Variants in PCDHA1 observed in about 807,000 individuals in gnomAD.
PCDHA1 encodes the protein protocadherin alpha-1.
A neutral mutation model predicts 61.3 loss-of-function variants in PCDHA1; 42 were observed. The ratio of observed to expected loss-of-function variants is 0.69; its 90% CI spans 0.54 to 0.89. The LOEUF (loss-of-function observed/expected upper bound fraction) is 0.89. PCDHA1 is among the 40% of genes least tolerant of loss of function. The pLI is 0.00. For missense variants in PCDHA1, 1,256 were observed against 1,235.3 expected (o/e 1.02, Z -0.25); for synonymous variants, 610 against 553.8 (o/e 1.10, Z -1.43).
Position 140,851,473 on chromosome 5 carries a change from G to T in PCDHA1, c.2394+62789G>T. The stretch of plus-strand genomic sequence containing the variant: ...TAGGAATCAAATTATGTCAATAAAT[G>T]TTATAAACACAGCCTTCATTTCAAC... On this transcript the variant is annotated intron_variant, in intron 1 of 3. Coordinates refer to ENST00000504120, the MANE Select transcript of PCDHA1 (RefSeq NM_018900.4). 6.7e-6 allele frequency: 6 copies of T among 889,518 alleles called. 1 individual carries two copies. The highest frequency in any genetic ancestry group is 8.2e-6 in the Non-Finnish European group (6 of 729,154). 55.1% of individuals were successfully genotyped at this position (889,518 alleles called of 1,614,324 possible).
At chr5:140,982,688 A>ATACATACATGATTTCCT in intron 3 of PCDHA1, 125 bp downstream of exon 3, 1 of 1,415,764 alleles carries the variant, frequency 7.1e-7, no homozygotes, top group Non-Finnish European at 9.3e-7. Flanking sequence ...CCTTTTTTCC[A>ATACATACATGATTTCCT]TACATACATG....
rs1052880282 is a variant in PCDHA1 at position 140,969,588 on chromosome 5, T to C, written c.2395-9361T>C. On this transcript the variant is annotated intron_variant, in intron 1 of 3. Coordinates refer to ENST00000504120, the MANE Select transcript of PCDHA1 (RefSeq NM_018900.4). ...TTGTTTGAGAAGTGAGGATTAGTCT[T>C]AATATTTAATGCTAAAACACAGATT... 31 of 849,754 alleles carry C rather than the reference T, an allele frequency of 3.6e-5. No individual in the cohort carries two copies. The African/African-American group carries it at 5.3e-4, about 15-fold the overall frequency. The allele number at this position is 849,754 out of a possible 1,614,324, so 52.6% of individuals were successfully genotyped here. A position where few individuals can be genotyped will look rare whatever the true frequency, so the allele number is the denominator to read the frequency against.
chr5:140,868,850 G>C, intron 1 of PCDHA1: 3 of 459,172 alleles, frequency 6.5e-6, no homozygotes, highest in South Asian at 5.9e-5. Flanking sequence ...GTGAAATTCT[G>C]TGGTGGTAAA....
At position 140,972,813 on chromosome 5, in the gene PCDHA1, G is replaced by A. The variant is rs559474622; in HGVS notation, c.2395-6136G>A. Reference sequence around the variant, plus strand: ...TGAGTAGCTGAGATTACAGGCACGCGCCACCACGCCTGGCTAATTTTTGTA... The same window carrying A: ...TGAGTAGCTGAGATTACAGGCACGCACCACCACGCCTGGCTAATTTTTGTA... On this transcript the variant is annotated intron_variant, in intron 1 of 3. Transcript: ENST00000504120. Among the ~76,000 whole-genome samples, 11 of 151,984 alleles carry A rather than the reference G, an allele frequency of 7.2e-5. No individual in the cohort carries two copies. In the East Asian group the frequency reaches 1.2e-3, roughly 16 times the overall value.
At chr5:140,950,112 A>G (rs1263517017) in intron 1 of PCDHA1, among the ~76,000 whole-genome samples, 3 of 151,944 alleles carry the variant, frequency 2.0e-5, no homozygotes, top group Non-Finnish European at 4.4e-5. Context: ...ATCTCATACA[A>G]TACAAAACCC....
intron 1 of PCDHA1, among the ~76,000 whole-genome samples, chr5:140,895,848 G>T (rs147299280): frequency 6.6e-6 from 1 of 151,982 alleles, no homozygotes; most frequent in Non-Finnish European, 1.5e-5. Flanking sequence ...TCTCACTCTT[G>T]TACCCCAGGC....
At chr5:140,879,025 A>G (rs557183400) in intron 1 of PCDHA1, among the ~76,000 whole-genome samples, 36 of 152,342 alleles carry the variant, frequency 2.4e-4, no homozygotes, top group African/African-American at 8.7e-4. Flanking sequence ...TGTTTTATTG[A>G]AGAGTGTCTT....
chr5:140,952,006 T>C (rs2094672029), intron 1 of PCDHA1, among the ~76,000 whole-genome samples: 1 of 152,184 alleles, frequency 6.6e-6, no homozygotes, highest in African/African-American at 2.4e-5. Context: ...GAAAGAATTA[T>C]AGGCCCCATG....
At chr5:140,882,991 AT>A (rs1554176407) in intron 1 of PCDHA1, 2 of 1,614,112 alleles carry the variant, frequency 1.2e-6, no homozygotes, top group Non-Finnish European at 1.7e-6. Flanking sequence ...ACGCCCCGGA[AT>A]TTTACCAATC....
chr5:140,959,408 A>C (rs1554224058), intron 1 of PCDHA1, among the ~76,000 whole-genome samples: 2 of 152,124 alleles, frequency 1.3e-5, no homozygotes, highest in Non-Finnish European at 1.5e-5. Context: ...TAAAGTGTTG[A>C]TTGATCTGAG....
At chr5:140,788,789 A>G (rs1761496074) in intron 1 of PCDHA1, 105 bp downstream of exon 1, 4 of 1,437,034 alleles carry the variant, frequency 2.8e-6, no homozygotes, top group African/African-American at 1.4e-5. Context: ...GTGTTCACTA[A>G]CGTTGAAATA....
rs532145972 is a variant in PCDHA1 at position 140,957,602 on chromosome 5, C to T, written c.2395-21347C>T. On this transcript the variant is annotated intron_variant, in intron 1 of 3. Transcript: ENST00000504120. Reference sequence around the variant, plus strand: ...TTAACAAAGCACTTCCCAGAATAAACACACAGACATATACATGCACACACT... The same window carrying T: ...TTAACAAAGCACTTCCCAGAATAAATACACAGACATATACATGCACACACT... 3.3e-5 allele frequency among the ~76,000 whole-genome samples: 5 copies of T among 152,174 alleles called. No homozygotes were observed. In the East Asian group the frequency reaches 9.6e-4, roughly 29 times the overall value.
chr5:140,984,945 C>CT (rs113297104), intron 3 of PCDHA1, among the ~76,000 whole-genome samples: 99 of 149,274 alleles, frequency 6.6e-4, no homozygotes, highest in Non-Finnish European at 1.1e-3. Context: ...AATGTCTAAT[C>CT]TTTTTTTTTT....
rs782357436 is a variant in PCDHA1, at chr5:140,876,751, G to T, written c.2394+88067G>T. On this transcript the variant is annotated intron_variant, in intron 1 of 3. Transcript: ENST00000504120. ...GTCGGCCTATGAGCTGGTGGTGACTGCGCGGGATGGGGGCTCGCCTTCGCT... is the reference window on the plus strand; with the variant it reads ...GTCGGCCTATGAGCTGGTGGTGACTTCGCGGGATGGGGGCTCGCCTTCGCT... 2.5e-6 allele frequency: 4 copies of T among 1,614,258 alleles called. No individual in the cohort carries two copies. The Admixed American group carries it at 6.7e-5, about 27-fold the overall frequency.
chr5:140,993,459 TTC>T lies in PCDHA1; in HGVS notation c.2542+10899_2542+10900del, dbSNP rs202191067. Among the ~76,000 whole-genome samples the T allele has an allele frequency of 6.6e-3, 550 of 83,072 alleles. 5 individuals carry two copies. The highest frequency in any genetic ancestry group is 0.016 in the African/African-American group (346 of 21,866). The allele number at this position is 83,072 out of a possible 152,430, so 54.5% of individuals were successfully genotyped here. ...ATTCATTCCTGTTCTCCTTCTTTCTTTCTCACACACACACACACACACACACA... is the reference window on the plus strand; with the variant it reads ...ATTCATTCCTGTTCTCCTTCTTTCTTTCACACACACACACACACACACACA... On this transcript the variant is annotated intron_variant, in intron 3 of 3. Transcript: ENST00000504120.
Position 141,010,353 on chromosome 5 carries a change from G to A in PCDHA1, c.*416G>A. On this transcript the variant is annotated 3_prime_UTR_variant, in exon 4 of 4. Transcript: ENST00000504120. ...AGTTTGTGGCCACTGGGTATGTGTG[G>A]CTACCGCGGGTATGCGAGTGCCAGA... is the stretch of plus-strand genomic sequence containing the variant. 1.3e-6 allele frequency: 2 copies of A among 1,507,486 alleles called. No individual in the cohort carries two copies. Among genetic ancestry groups the A allele is most frequent in the Non-Finnish European group, 1.8e-6 (2 of 1,128,244 alleles). The allele number at this position is 1,507,486 out of a possible 1,614,324, so 93.4% of individuals were successfully genotyped here. A position where few individuals can be genotyped will look rare whatever the true frequency, so the allele number is the denominator to read the frequency against.
chr5:140,807,758 G>A, intron 1 of PCDHA1: 1 of 1,614,194 alleles, frequency 6.2e-7, no homozygotes, highest in South Asian at 1.1e-5. Flanking sequence ...GCTGGTAAAA[G>A]GTCTTGGGCT....
chr5:140,832,454 T>C lies in PCDHA1; in HGVS notation c.2394+43770T>C, dbSNP rs193078566. Among the ~76,000 whole-genome samples, 274 of 152,332 alleles carry C rather than the reference T, an allele frequency of 1.8e-3. 1 individual carries two copies. The highest frequency in any genetic ancestry group is 6.5e-3 in the African/African-American group (271 of 41,598). ...TAATTTTTAAGCGTGTAATTAATAT[T>C]GCACTAAAATTTAAAAAAACTAACT... On this transcript the variant is annotated intron_variant, in intron 1 of 3. Transcript: ENST00000504120.
At chr5:140,805,032 G>C (rs781952381) in intron 1 of PCDHA1, 14 of 1,582,658 alleles carry the variant, frequency 8.8e-6, no homozygotes, top group Non-Finnish European at 8.5e-6. Flanking sequence ...GAATATAATA[G>C]AGTCAGCCAA....
Sources: gnomAD v4.1 joint callset for allele counts (sites outside exome capture counted in the v4.1 genomes callset) on GRCh38, gnomAD v4.1.1 for gene constraint, MANE v1.5 for transcripts, NCBI Gene and HGNC (gene_info 2026-07-23, HGNC 2026-07-21) for gene names.